Variants in PDE4A observed in about 807,000 individuals in gnomAD.
The protein encoded by PDE4A is phosphodiesterase 4A.
In PDE4A, 21 loss-of-function variants were observed where a neutral mutation model predicts 73.9. That is an observed-to-expected ratio of 0.28 (90% CI 0.20 to 0.41). The LOEUF (loss-of-function observed/expected upper bound fraction) is 0.41. PDE4A is among the 10% of genes least tolerant of loss of function. The probability of loss-of-function intolerance (pLI) is 1.00; values close to 1 mark genes in which losing one functional copy is unlikely to be tolerated. For synonymous variants in PDE4A, 463 were observed against 505.4 expected (o/e 0.92, Z 1.13); for missense variants, 958 against 1,211.4 (o/e 0.79, Z 3.10).
Position 10,454,016 on chromosome 19 carries a change from G to T in PDE4A, c.784-813G>T, listed in dbSNP as rs556367824. Among the ~76,000 whole-genome samples, 6 of 152,142 alleles carry T rather than the reference G, an allele frequency of 3.9e-5. No homozygotes were observed. In the South Asian group the frequency reaches 8.3e-4, roughly 21 times the overall value. ...TGGGGTGCTGTGGCAGAGCTTGGGG[G>T]TGGGGAGCCAATGCCCTTTCTCCTC... On this transcript the variant is annotated intron_variant, in intron 6 of 14. Transcript: ENST00000380702.
In PDE4A at chr19:10,446,404, C is replaced by T. The variant is rs768576934; in HGVS notation, c.507C>T (p.Ser169=). 86 of 1,603,792 alleles carry T rather than the reference C, an allele frequency of 5.4e-5. No individual in the cohort carries two copies. In the Admixed American group the frequency reaches 1.3e-3, roughly 24 times the overall value. Residue 169 remains serine, a synonymous_variant, in exon 2 of 15, where the codon AGC becomes AGT. Transcript: ENST00000380702. ...TGTCCCGGAACTCATCGGTCACCAGCGAGGCGTGAGCATCCTTCTCCCCAC... is the reference window on the plus strand; with the variant it reads ...TGTCCCGGAACTCATCGGTCACCAGTGAGGCGTGAGCATCCTTCTCCCCAC... ...KTMSRNSSVT[S]EAHAEDLIVT... is the part of the protein sequence containing the mutation.
intron 2 of PDE4A, among the ~76,000 whole-genome samples, chr19:10,446,687 T>A (rs1335105592): frequency 1.3e-5 from 2 of 151,338 alleles, no homozygotes; most frequent in African/African-American, 4.9e-5. Context: ...CTCCGCCTCC[T>A]GGGTTCAAGC....
In PDE4A at chr19:10,421,236, C is replaced by A. The variant is rs1173219646; in HGVS notation, c.320+152C>A. ...ATTCGGCTGCGGGGGCGTCTGGGAC[C>A]TGGCCCCTGGTTGTGCGCTCTACGG... On this transcript the variant is annotated intron_variant, in intron 1 of 14. Transcript: ENST00000380702. The A allele has an allele frequency of 6.1e-6, 6 of 985,172 alleles. No homozygotes were observed. The African/African-American group carries it at 1.0e-4, about 17-fold the overall frequency. The allele number at this position is 985,172 out of a possible 1,614,324, so 61.0% of individuals were successfully genotyped here.
At chr19:10,464,515 CA>C (rs1316062119) in intron 14 of PDE4A, 2 of 447,308 alleles carry the variant, frequency 4.5e-6, no homozygotes, top group East Asian at 1.4e-4. Flanking sequence ...TTCCTGGGCT[CA>C]AGCGATCTTC....
chr19:10,418,158 T>C (rs1001858260), upstream of PDE4A, among the ~76,000 whole-genome samples: 1 of 152,174 alleles, frequency 6.6e-6, no homozygotes. Context: ...CTGGGGCAGG[T>C]TGATCAGGCG....
At chr19:10,429,117 AAGAG>A (rs966852987) in intron 1 of PDE4A, among the ~76,000 whole-genome samples, 1 of 151,700 alleles carries the variant, frequency 6.6e-6, no homozygotes, top group African/African-American at 2.4e-5. Context: ...GAAAGAAAGA[AAGAG>A]AGAAAGGGGG....
Position 10,420,905 on chromosome 19 carries a change from C to G in PDE4A, c.141C>G (p.Gly47=), listed in dbSNP as rs1175167348. Reference sequence around the variant, plus strand: ...CCCCCATCCGTATCCAGCAGCGCGGCTACTCCGACAGCGCGGAGCGCGCCG... The same window carrying G: ...CCCCCATCCGTATCCAGCAGCGCGGGTACTCCGACAGCGCGGAGCGCGCCG... ...PRTPIRIQQR[G]YSDSAERAER... is the part of the protein sequence containing the mutation. Residue 47 remains glycine (G), a synonymous_variant, in exon 1 of 15, where the codon GGC becomes GGG. Coordinates refer to ENST00000380702, the MANE Select transcript of PDE4A (RefSeq NM_001111307.2). This position sits in a 1 kb window ranked among gnomAD's most constrained non-coding sequence, Gnocchi z 6.0. The G allele has an allele frequency of 3.2e-6, 5 of 1,587,196 alleles. No individual in the cohort carries two copies. Among genetic ancestry groups the G allele is most frequent in the Admixed American group, 1.7e-5 (1 of 59,120 alleles).
At chr19:10,423,240 C>T in intron 1 of PDE4A, 1 of 519,340 alleles carries the variant, frequency 1.9e-6, no homozygotes, top group Non-Finnish European at 2.4e-6. Flanking sequence ...CTCACTGCAA[C>T]CTCTGCCTTC....
chr19:10,441,840 C>G (rs927690507), intron 1 of PDE4A, among the ~76,000 whole-genome samples: 2 of 151,858 alleles, frequency 1.3e-5, no homozygotes, highest in South Asian at 4.2e-4. Flanking sequence ...CAGGCACCCA[C>G]CACTACGCCC....
rs756997532 is a variant in PDE4A, at chr19:10,467,078, G to T, written c.2118G>T (p.Lys706Asn). ...CAGGCCACCCACCCCTGCCTGACAA[G>T]TTCCAGTTTGAGCTGACGCTGGAGG... Reference protein sequence around the residue: ...RGPGHPPLPDKFQFELTLEEE... With the variant: ...RGPGHPPLPDNFQFELTLEEE... Residue 706 changes from lysine (K) to asparagine (N), a missense_variant, in exon 15 of 15, where the codon AAG (lysine) becomes AAT (asparagine). This residue lies in a region of PDE4A where 243 missense variants were observed against 245.9 expected (regional missense o/e 0.99). Coordinates refer to ENST00000380702, the MANE Select transcript of PDE4A (RefSeq NM_001111307.2). The T allele has an allele frequency of 6.2e-7, 1 of 1,614,164 alleles. No homozygotes were observed.
chr19:10,448,677 C>T (rs973445546), intron 2 of PDE4A, among the ~76,000 whole-genome samples: 7 of 151,738 alleles, frequency 4.6e-5, no homozygotes, highest in Non-Finnish European at 8.8e-5. Flanking sequence ...TCTCCCCTCT[C>T]CCCTTTTCCA....
intron 14 of PDE4A, 101 bp from the exon 15 acceptor site, chr19:10,466,786 G>C: frequency 6.6e-7 from 1 of 1,510,804 alleles, no homozygotes; most frequent in Non-Finnish European, 8.8e-7. Flanking sequence ...GAGCCACCAT[G>C]CCCGGCCCAT....
intron 1 of PDE4A, among the ~76,000 whole-genome samples, chr19:10,433,705 C>T (rs1182698753): frequency 2.0e-5 from 3 of 152,224 alleles, no homozygotes; most frequent in African/African-American, 7.2e-5. Flanking sequence ...AGAGCTGTGT[C>T]ACCTGGCACT....
chr19:10,432,704 C>T (rs2042812270), intron 1 of PDE4A: 2 of 798,418 alleles, frequency 2.5e-6, no homozygotes, highest in Non-Finnish European at 3.8e-6. Flanking sequence ...GGGCCCCACC[C>T]CCTTTCCTGG....
Position 10,461,517 on chromosome 19 carries a change from G to A in PDE4A, c.1466-9G>A, listed in dbSNP as rs760023290. On this transcript the variant is annotated splice_polypyrimidine_tract_variant and intron_variant, in intron 11 of 14. Transcript: ENST00000380702. ...TGGGCCCTCCCCTGACCTCCGGGCT[G>A]GGCTGCAGATTCGGAGCTGGCGCTC... 1 of 1,613,564 alleles carries A rather than the reference G, an allele frequency of 6.2e-7. No homozygotes were observed. The highest frequency in any genetic ancestry group is 2.2e-5 in the East Asian group (1 of 44,886).
chr19:10,449,493 G>C (rs971547974), intron 4 of PDE4A, among the ~76,000 whole-genome samples: 4 of 152,070 alleles, frequency 2.6e-5, no homozygotes, highest in African/African-American at 7.2e-5. Flanking sequence ...CCGGGTAGCT[G>C]GGATTACAGG....
intron 7 of PDE4A, 88 bp from the exon 8 acceptor site, chr19:10,457,791 C>A: frequency 1.3e-6 from 2 of 1,556,534 alleles, no homozygotes; most frequent in South Asian, 2.5e-5. Flanking sequence ...GTGAGCCTTC[C>A]CCGTACGTGG....
chr19:10,417,018 G>A, upstream of PDE4A: 1 of 1,535,626 alleles, frequency 6.5e-7, no homozygotes. Flanking sequence ...TGGGCTAGGG[G>A]CGGGGCTTCG....
rs541423883 is a variant in PDE4A at position 10,457,797 on chromosome 19, C to G, written c.878-82C>G. 7.7e-6 allele frequency: 12 copies of G among 1,568,180 alleles called. No individual in the cohort carries two copies. The East Asian group carries it at 2.2e-4, about 29-fold the overall frequency. ...CCGTTTCGGGTGAGCCTTCCCCGTA[C>G]GTGGTAGTGGGCTGAAGAATAAGGG... On this transcript the variant is annotated intron_variant, in intron 7 of 14. Coordinates refer to ENST00000380702, the MANE Select transcript of PDE4A (RefSeq NM_001111307.2).
Sources: gnomAD v4.1 joint callset for allele counts (sites outside exome capture counted in the v4.1 genomes callset) on GRCh38, gnomAD v4.1.1 for gene constraint, gnomAD v4.1.1 regional missense constraint, Gnocchi (gnomAD v3.1) non-coding constraint, MANE v1.5 for transcripts, NCBI Gene and HGNC (gene_info 2026-07-23, HGNC 2026-07-21) for gene names.